The following RNF150 variants were observed in gnomAD, a reference collection of about 807,000 sequenced individuals.
RNF150 encodes ring finger protein 150.
In RNF150, 24 loss-of-function variants were observed where a neutral mutation model predicts 39.3. The observed-to-expected ratio is 0.61, with a 90% CI of 0.44 to 0.86. The LOEUF is 0.86. RNF150 is among the 40% of genes least tolerant of loss of function. RNF150 has a pLI of 0.00. For synonymous variants in RNF150, 255 were observed against 227.3 expected, an observed-to-expected ratio of 1.12 and a Z score of -1.10; for missense variants, 502 against 587.8, an observed-to-expected ratio of 0.85 and a Z score of 1.51.
At chr4:141,114,744 A>G (rs887035497) in intron 1 of RNF150, among the ~76,000 whole-genome samples, 5 of 152,232 alleles carry the variant, frequency 3.3e-5, no homozygotes, top group Admixed American at 2.6e-4. Context: ...AAAATCCTCA[A>G]TAAAATACTA....
intron 4 of RNF150, among the ~76,000 whole-genome samples, chr4:140,931,938 C>G (rs928809627): frequency 6.6e-6 from 1 of 152,140 alleles, no homozygotes; most frequent in Non-Finnish European, 1.5e-5. Flanking sequence ...GTGTGATTCC[C>G]TCCCCAATTT....
intron 1 of RNF150, among the ~76,000 whole-genome samples, chr4:141,151,239 C>T (rs1727291037): frequency 6.6e-6 from 1 of 152,022 alleles, no homozygotes; most frequent in African/African-American, 2.4e-5. Context: ...CCAACATGCC[C>T]AGCCAAGTTT....
At chr4:140,940,122 C>T (rs1435985103) in intron 4 of RNF150, among the ~76,000 whole-genome samples, 1 of 152,182 alleles carries the variant, frequency 6.6e-6, no homozygotes, top group Admixed American at 6.5e-5. Context: ...CTCAGCCAGA[C>T]ATTTGGGCCC....
intron 1 of RNF150, among the ~76,000 whole-genome samples, chr4:141,023,962 T>C (rs1735597786): frequency 6.6e-6 from 1 of 152,130 alleles, no homozygotes; most frequent in Non-Finnish European, 1.5e-5. Context: ...CCTAAGAAAT[T>C]ATTGCTAAAA....
chr4:140,971,670 T>G (rs898374159), intron 1 of RNF150, among the ~76,000 whole-genome samples: 1 of 152,174 alleles, frequency 6.6e-6, no homozygotes, highest in Admixed American at 6.5e-5. Flanking sequence ...TTTTTAGTGC[T>G]TCCTTTTCCC....
chr4:141,174,484 G>A (rs1727776506), intron 1 of RNF150, among the ~76,000 whole-genome samples: 1 of 152,142 alleles, frequency 6.6e-6, no homozygotes, highest in African/African-American at 2.4e-5. Context: ...AGTTTTCTGT[G>A]ACTTGCAACT....
chr4:141,086,067 C>T lies in RNF150; in HGVS notation c.484+46258G>A, dbSNP rs558960975. Among the ~76,000 whole-genome samples, 22 of 144,760 alleles carry T rather than the reference C, an allele frequency of 1.5e-4. No homozygotes were observed. In the South Asian group the frequency reaches 4.9e-3, roughly 33 times the overall value. 95.0% of individuals were successfully genotyped at this position (144,760 alleles called of 152,430 possible). On this transcript the variant is annotated intron_variant, in intron 1 of 6. Coordinates refer to ENST00000515673, the MANE Select transcript of RNF150 (RefSeq NM_020724.2). The stretch of plus-strand genomic sequence containing the variant: ...ACACACACACACACACACACACACA[C>T]ACCCTTCTAGGTGCCAGTGGCAAGC...
At chr4:140,920,996 A>G (rs1012088788) in intron 5 of RNF150, among the ~76,000 whole-genome samples, 30 of 151,612 alleles carry the variant, frequency 2.0e-4, no homozygotes, top group Admixed American at 2.0e-3. Context: ...CTGAGAATAC[A>G]TGGACACAGG....
At chr4:141,083,272 A>G (rs1057378829) in intron 1 of RNF150, among the ~76,000 whole-genome samples, 2 of 152,326 alleles carry the variant, frequency 1.3e-5, no homozygotes, top group African/African-American at 4.8e-5. Context: ...AGGAAATAGG[A>G]TTTTTAGATA....
At chr4:141,136,664 C>A (rs1271660909), upstream of RNF150, among the ~76,000 whole-genome samples, 2 of 152,166 alleles carry the variant, frequency 1.3e-5, no homozygotes, top group Admixed American at 1.3e-4. Flanking sequence ...CAATAATTAT[C>A]GAGCACCTGT....
chr4:140,986,115 T>C (rs1032797491), intron 1 of RNF150, among the ~76,000 whole-genome samples: 1 of 152,120 alleles, frequency 6.6e-6, no homozygotes, highest in African/African-American at 2.4e-5. Context: ...TTCTCTTCTA[T>C]AAATAGATTA....
chr4:141,078,808 AATATATAT>A (rs137912691), intron 1 of RNF150, among the ~76,000 whole-genome samples: 36 of 79,726 alleles, frequency 4.5e-4, no homozygotes, highest in African/African-American at 8.7e-4. Context: ...AAAAAAAAAA[AATATATAT>A]ATATATATAT....
intron 6 of RNF150, among the ~76,000 whole-genome samples, chr4:140,904,537 G>T (rs1560957355): frequency 6.6e-6 from 1 of 152,194 alleles, no homozygotes; most frequent in Non-Finnish European, 1.5e-5. Flanking sequence ...AGCAGACATG[G>T]CTACTCACTC....
chr4:141,191,734 A>G (rs975950467), intron 1 of RNF150, among the ~76,000 whole-genome samples: 1 of 152,234 alleles, frequency 6.6e-6, no homozygotes, highest in South Asian at 2.1e-4. Context: ...TGCACACACA[A>G]TGCTCTTTGT....
In RNF150 at chr4:140,942,174, C is replaced by A. The variant is rs537811492; in HGVS notation, c.890+5480G>T. On this transcript the variant is annotated intron_variant, in intron 4 of 6. Transcript: ENST00000515673. Reference sequence around the variant, plus strand: ...GTTATATACATTTTACCAAAAAAAACCAAAAAACAAAAAACAAACATCACA... The same window carrying A: ...GTTATATACATTTTACCAAAAAAAAACAAAAAACAAAAAACAAACATCACA... Among the ~76,000 whole-genome samples, 424 of 151,966 alleles carry A rather than the reference C, an allele frequency of 2.8e-3. 3 individuals are homozygous for A. The highest frequency in any genetic ancestry group is 9.1e-3 in the African/African-American group (379 of 41,464).
intron 1 of RNF150, chr4:141,212,739 A>G (rs1250600994): frequency 1.3e-5 from 2 of 152,428 alleles, no homozygotes; most frequent in Non-Finnish European, 2.9e-5. Flanking sequence ...ACACTGCTAT[A>G]TAGAACTACC....
intron 1 of RNF150, among the ~76,000 whole-genome samples, chr4:141,075,363 G>A (rs1350161769): frequency 1.3e-5 from 2 of 152,098 alleles, no homozygotes; most frequent in African/African-American, 2.4e-5. Context: ...CTGACCCTTG[G>A]TCTACACCAA....
At chr4:141,019,866 T>C (rs1298504755) in intron 1 of RNF150, among the ~76,000 whole-genome samples, 4 of 152,196 alleles carry the variant, frequency 2.6e-5, no homozygotes, top group Non-Finnish European at 5.9e-5. Flanking sequence ...TAGCAGTTTT[T>C]GGTGAGGATC....
intron 1 of RNF150, among the ~76,000 whole-genome samples, chr4:141,155,264 T>G (rs1449723431): frequency 4.5e-5 from 5 of 110,226 alleles, no homozygotes; most frequent in Non-Finnish European, 7.7e-5. Context: ...TTTTTTTTTT[T>G]TTTTTTGTAT....
Sources: allele counts gnomAD v4.1 joint callset (sites outside exome capture counted in the v4.1 genomes callset), GRCh38; gene constraint gnomAD v4.1.1; transcripts MANE v1.5; gene names NCBI Gene and HGNC (gene_info 2026-07-23, HGNC 2026-07-21).